The following ZNF385C variants were observed in gnomAD, a reference collection of about 807,000 sequenced individuals.
ZNF385C encodes CTD-2132N18.2.
Under a neutral mutation model 35.4 loss-of-function variants are expected in ZNF385C, and 28 were observed. The ratio of observed to expected loss-of-function variants is 0.79; its 90% CI spans 0.59 to 1.08. The LOEUF (loss-of-function observed/expected upper bound fraction) is 1.08. Ranked by LOEUF, ZNF385C falls within the 50% of genes least tolerant of loss-of-function variation. The pLI is 0.00. For synonymous variants in ZNF385C, 248 were observed against 248.2 expected, an observed-to-expected ratio of 1.00 and a Z score of 0.01; for missense variants, 605 against 595.6, an observed-to-expected ratio of 1.02 and a Z score of -0.16.
At chr17:42,031,488 C>T (rs1555654984) in intron 5 of ZNF385C, 131 bp downstream of exon 5, 5 of 1,196,918 alleles carry the variant, frequency 4.2e-6, no homozygotes, top group Non-Finnish European at 4.6e-6. Flanking sequence ...GCGTGGTACA[C>T]TTGTGTGCCT....
At chr17:42,059,525 G>T (rs1555657811) in intron 2 of ZNF385C, among the ~76,000 whole-genome samples, 1 of 152,236 alleles carries the variant, frequency 6.6e-6, no homozygotes, top group African/African-American at 2.4e-5. Context: ...GGGACTGTGG[G>T]AAGAGGAAAA....
At chr17:42,042,394 T>C (rs1378764327) in intron 2 of ZNF385C, among the ~76,000 whole-genome samples, 5 of 152,052 alleles carry the variant, frequency 3.3e-5, no homozygotes, top group African/African-American at 9.7e-5. Flanking sequence ...TGGTGGCACA[T>C]GCCTATATTC....
intron 4 of ZNF385C, among the ~76,000 whole-genome samples, chr17:42,032,146 C>G (rs1194473480): frequency 6.6e-6 from 1 of 152,124 alleles, no homozygotes; most frequent in African/African-American, 2.4e-5. Context: ...CTGCAACCTC[C>G]GCCTCCCGGG....
intron 6 of ZNF385C, 139 bp from the exon 7 acceptor site, chr17:42,028,385 G>A (rs1487118576): frequency 2.4e-5 from 21 of 878,550 alleles, no homozygotes; most frequent in South Asian, 6.0e-5. Flanking sequence ...CCAGCCACAC[G>A]TGGTTTCCCC....
intron 1 of ZNF385C, among the ~76,000 whole-genome samples, chr17:42,072,186 G>A (rs1328696369): frequency 6.6e-6 from 1 of 152,042 alleles, no homozygotes; most frequent in African/African-American, 2.4e-5. Context: ...TCAACTTTTG[G>A]ATTCTCTAAA....
chr17:42,054,579 C>CT (rs782154449), intron 2 of ZNF385C, among the ~76,000 whole-genome samples: 1 of 73,376 alleles, frequency 1.4e-5, no homozygotes, highest in African/African-American at 3.8e-5. Flanking sequence ...TCCACTAGAA[C>CT]TTCTTTTTTT....
intron 1 of ZNF385C, among the ~76,000 whole-genome samples, chr17:42,074,938 A>G (rs965180998): frequency 3.9e-5 from 6 of 152,190 alleles, no homozygotes; most frequent in Non-Finnish European, 8.8e-5. Flanking sequence ...GAACATGCCA[A>G]TGATGGGGAG....
intron 1 of ZNF385C, among the ~76,000 whole-genome samples, chr17:42,093,501 G>A (rs868994699): frequency 3.3e-5 from 5 of 152,076 alleles, no homozygotes; most frequent in African/African-American, 1.2e-4. Flanking sequence ...GTTCAGAGCC[G>A]AAACCCCGGA....
chr17:42,039,161 G>T (rs1185546090), intron 2 of ZNF385C: 1 of 152,170 alleles, frequency 6.6e-6, no homozygotes, highest in African/African-American at 2.4e-5. Flanking sequence ...TGAGGCAGGA[G>T]AATTGCTTGA....
Position 42,027,893 on chromosome 17 carries a change from G to A in ZNF385C, c.1164+157C>T. The A allele has an allele frequency of 8.3e-7, 1 of 1,212,044 alleles. No homozygotes were observed. Among genetic ancestry groups the A allele is most frequent in the Non-Finnish European group, 1.2e-6 (1 of 854,410 alleles). 75.1% of individuals were successfully genotyped at this position (1,212,044 alleles called of 1,614,324 possible). On this transcript the variant is annotated intron_variant, in intron 7 of 8. Transcript: ENST00000692273. The stretch of plus-strand genomic sequence containing the variant: ...CCCTGGGAAGGGGAGGTGAGTCTTG[G>A]CCTTTGCCCTTAATTGGCCCACTGG...
At chr17:42,031,891 G>C (rs901037302) in intron 4 of ZNF385C, 107 bp from the exon 5 acceptor site, 2 of 1,286,444 alleles carry the variant, frequency 1.6e-6, no homozygotes, top group Non-Finnish European at 2.1e-6. Flanking sequence ...CAGGGCTCAG[G>C]TCACACAAAG....
At chr17:42,027,577 C>G (rs782225562) in intron 8 of ZNF385C, 41 bp downstream of exon 8, 3 of 1,348,856 alleles carry the variant, frequency 2.2e-6, no homozygotes, top group African/African-American at 1.5e-5. Context: ...ACCCTCTCCC[C>G]TCCTGACCCA....
intron 1 of ZNF385C, among the ~76,000 whole-genome samples, chr17:42,077,880 C>T (rs1555659391): frequency 6.6e-6 from 1 of 152,164 alleles, no homozygotes; most frequent in East Asian, 1.9e-4. Flanking sequence ...CCTCCCCCCA[C>T]ATTTTGCCTC....
chr17:42,079,233 T>TATAC (rs1167484778), intron 1 of ZNF385C, among the ~76,000 whole-genome samples: 11 of 141,296 alleles, frequency 7.8e-5, no homozygotes, highest in African/African-American at 2.4e-4. Context: ...TATATATATA[T>TATAC]ACACACATAT....
chr17:42,037,126 A>G (rs1388663610), intron 3 of ZNF385C, among the ~76,000 whole-genome samples: 2 of 152,128 alleles, frequency 1.3e-5, no homozygotes, highest in East Asian at 3.8e-4. Context: ...CAAAGGGCAC[A>G]TGACCACAGG....
At chr17:42,043,503 A>G (rs2053078263) in intron 2 of ZNF385C, 2 of 734,818 alleles carry the variant, frequency 2.7e-6, no homozygotes, top group South Asian at 7.3e-5. Context: ...GCAGCCCGCC[A>G]GGCTAACAGG....
intron 1 of ZNF385C, among the ~76,000 whole-genome samples, chr17:42,069,284 A>G (rs2053591356): frequency 6.6e-6 from 1 of 150,846 alleles, no homozygotes. Flanking sequence ...GGTTGGGGGG[A>G]GCACGCAGGC....
chr17:42,066,461 T>G (rs1555658446), intron 1 of ZNF385C, among the ~76,000 whole-genome samples: 1 of 152,146 alleles, frequency 6.6e-6, no homozygotes, highest in East Asian at 1.9e-4. Flanking sequence ...ACTGCAAATG[T>G]CTGTTACCCC....
chr17:42,072,385 T>A (rs1555658910), intron 1 of ZNF385C, among the ~76,000 whole-genome samples: 1 of 152,128 alleles, frequency 6.6e-6, no homozygotes, highest in Non-Finnish European at 1.5e-5. Context: ...TCCGGTTAAG[T>A]TGCGGTTCTT....
Sources: allele counts gnomAD v4.1 joint callset (sites outside exome capture counted in the v4.1 genomes callset), GRCh38; gene constraint gnomAD v4.1.1; transcripts MANE v1.5; gene names NCBI Gene and HGNC (gene_info 2026-07-23, HGNC 2026-07-21).